Variants in HECW1 observed in about 807,000 individuals in gnomAD.
The protein encoded by HECW1 is E3 ubiquitin-protein ligase HECW1.
A neutral mutation model predicts 182.3 loss-of-function variants in HECW1; 61 were observed. The observed-to-expected ratio is 0.33, with a 90% CI of 0.27 to 0.41. The LOEUF is 0.41. Ranked by LOEUF, HECW1 falls within the 10% of genes least tolerant of loss-of-function variation. The probability of loss-of-function intolerance (pLI) is 1.00; values close to 1 mark genes in which losing one functional copy is unlikely to be tolerated. For missense variants in HECW1, 1,739 were observed against 2,108.9 expected (o/e 0.82, Z 3.44); for synonymous variants, 859 against 832.6 (o/e 1.03, Z -0.55).
At chr7:43,504,582 G>A (rs1187187836) in intron 21 of HECW1, among the ~76,000 whole-genome samples, 4 of 152,106 alleles carry the variant, frequency 2.6e-5, no homozygotes, top group African/African-American at 9.7e-5. Flanking sequence ...CCCCACTTCT[G>A]CAATCAGGCA....
At chr7:43,394,499 G>A (rs1193836458) in intron 6 of HECW1, among the ~76,000 whole-genome samples, 1 of 152,200 alleles carries the variant, frequency 6.6e-6, no homozygotes, top group Non-Finnish European at 1.5e-5. Flanking sequence ...GAGAATAAGA[G>A]TTAAGTTTCA....
intron 5 of HECW1, among the ~76,000 whole-genome samples, chr7:43,323,854 G>A (rs1249605285): frequency 7.1e-6 from 1 of 140,392 alleles, no homozygotes; most frequent in Non-Finnish European, 1.5e-5. Context: ...GGCCCATATG[G>A]TGAAACCCCA....
intron 2 of HECW1, among the ~76,000 whole-genome samples, chr7:43,182,422 A>T (rs10216035): frequency 6.6e-6 from 1 of 151,966 alleles, no homozygotes; most frequent in African/African-American, 2.4e-5. Flanking sequence ...CCTTTCCCCA[A>T]TGTGTGTTTT....
intron 24 of HECW1, chr7:43,510,113 G>A (rs75828917): frequency 0.14 from 21,130 of 152,180 alleles, 1,916 homozygotes; most frequent in Middle Eastern, 0.2. Context: ...GCCCTTTGTT[G>A]CCCCAGAACT....
intron 3 of HECW1, among the ~76,000 whole-genome samples, chr7:43,262,422 A>G (rs1801285335): frequency 6.6e-6 from 1 of 152,184 alleles, no homozygotes; most frequent in Non-Finnish European, 1.5e-5. Context: ...TATTTCACAT[A>G]TGATGAAACT....
chr7:43,546,683 G>A (rs572529233), intron 26 of HECW1, among the ~76,000 whole-genome samples: 2 of 151,948 alleles, frequency 1.3e-5, no homozygotes, highest in African/African-American at 2.4e-5. Flanking sequence ...CTAACTTCGG[G>A]AACAAAGCAC....
chr7:43,479,674 A>T lies in HECW1; in HGVS notation c.3164A>T (p.Asn1055Ile), dbSNP rs763071538. The change falls in exon 17 of 30, where the codon AAC becomes ATC. Residue 1055 changes from asparagine (N) to isoleucine (I), a missense_variant. By Grantham distance (149) the Asn-to-Ile change is moderately radical. This residue lies in a region of HECW1 where 971 missense variants were observed against 1,029.1 expected (regional missense o/e 0.94). Transcript: ENST00000395891. Reference protein sequence around the residue: ...TFIDPRIPLQNGRLPNHLTHR... With the variant: ...TFIDPRIPLQIGRLPNHLTHR... ...ATTGACCCCCGAATCCCTCTTCAGA[A>T]CGGTCGTCTTCCCAATCATCTAACT... The T allele has an allele frequency of 1.9e-5, 31 of 1,613,968 alleles. No homozygotes were observed. The South Asian group carries it at 3.4e-4, about 18-fold the overall frequency.
intron 2 of HECW1, among the ~76,000 whole-genome samples, chr7:43,159,719 G>A (rs932729410): frequency 4.9e-5 from 6 of 121,256 alleles, no homozygotes; most frequent in African/African-American, 1.3e-4. Context: ...TTGCTCTGTC[G>A]CCCAGGCTGG....
chr7:43,500,349 C>T (rs1253246999), intron 19 of HECW1, among the ~76,000 whole-genome samples: 1 of 152,136 alleles, frequency 6.6e-6, no homozygotes, highest in Non-Finnish European at 1.5e-5. Flanking sequence ...CTGCCTGCCT[C>T]AGCCTCCCAA....
intron 29 of HECW1, among the ~76,000 whole-genome samples, chr7:43,556,329 G>A (rs987649874): frequency 1.1e-4 from 17 of 152,178 alleles, no homozygotes; most frequent in African/African-American, 3.9e-4. Flanking sequence ...AGTGCAGAGG[G>A]TAAGATGCCC....
At chr7:43,414,858 CA>C (rs1032342648) in intron 8 of HECW1, among the ~76,000 whole-genome samples, 9 of 151,866 alleles carry the variant, frequency 5.9e-5, no homozygotes, top group Non-Finnish European at 1.2e-4. Context: ...TTCGGTTTAC[CA>C]GTATTTTATT....
At chr7:43,387,444 T>G (rs2074845379) in intron 6 of HECW1, among the ~76,000 whole-genome samples, 1 of 152,244 alleles carries the variant, frequency 6.6e-6, no homozygotes, top group Non-Finnish European at 1.5e-5. Context: ...AAGGAAACTT[T>G]CCTTCTTGCT....
chr7:43,339,850 C>T (rs1333115263), intron 5 of HECW1, among the ~76,000 whole-genome samples: 3 of 152,136 alleles, frequency 2.0e-5, no homozygotes, highest in Non-Finnish European at 4.4e-5. Context: ...GCCCCTCTCC[C>T]TGCCAGATCT....
At chr7:43,190,181 T>G (rs7810701) in intron 2 of HECW1, among the ~76,000 whole-genome samples, 6,479 of 152,268 alleles carry the variant, frequency 0.043, 181 homozygotes, top group African/African-American at 0.062. Context: ...TGGCATGATC[T>G]CGGCCCACTG....
intron 24 of HECW1, chr7:43,510,904 T>C (rs2079833300): frequency 6.6e-6 from 1 of 152,226 alleles, no homozygotes; most frequent in African/African-American, 2.4e-5. Flanking sequence ...CACACTTGGC[T>C]GGACTACCTG....
intron 27 of HECW1, 100 bp downstream of exon 27, chr7:43,550,691 G>A (rs929789888): frequency 8.0e-7 from 1 of 1,243,128 alleles, no homozygotes; most frequent in Admixed American, 2.1e-5. Context: ...CTCAGGTGGT[G>A]AAAACAGAGA....
chr7:43,552,524 C>T (rs996833132), intron 28 of HECW1, among the ~76,000 whole-genome samples, 188 bp downstream of exon 28: 10 of 152,210 alleles, frequency 6.6e-5, no homozygotes, highest in African/African-American at 2.4e-4. Context: ...ATTTTCATCA[C>T]CCCAAAAGGA....
intron 2 of HECW1, among the ~76,000 whole-genome samples, chr7:43,176,829 C>G (rs549389324): frequency 2.3e-4 from 35 of 152,262 alleles, no homozygotes; most frequent in African/African-American, 8.4e-4. Flanking sequence ...AGAATAGGGG[C>G]TCTTTCTCTA....
chr7:43,341,358 T>C (rs1812977927), intron 5 of HECW1, among the ~76,000 whole-genome samples: 1 of 151,024 alleles, frequency 6.6e-6, no homozygotes. Context: ...ATAGTTACAG[T>C]GTCATTTTAC....
Sources: gnomAD v4.1 joint callset for allele counts (sites outside exome capture counted in the v4.1 genomes callset) on GRCh38, gnomAD v4.1.1 for gene constraint, gnomAD v4.1.1 regional missense constraint, MANE v1.5 for transcripts, NCBI Gene and HGNC (gene_info 2026-07-23, HGNC 2026-07-21) for gene names.